Variants in ATRNL1 observed in about 807,000 individuals in gnomAD.
ATRNL1 encodes the protein attractin like 1.
Under a neutral mutation model 182.7 loss-of-function variants are expected in ATRNL1, and 95 were observed. That is an observed-to-expected ratio of 0.52 (90% CI 0.44 to 0.62). The LOEUF is 0.62. Among genes scored for constraint, ATRNL1 ranks in the 20% least tolerant of loss-of-function variants. The pLI is 0.00. For missense variants in ATRNL1, 1,471 were observed against 1,679.5 expected (o/e 0.88, Z 2.17); for synonymous variants, 576 against 568.3 (o/e 1.01, Z -0.19).
intron 16 of ATRNL1, among the ~76,000 whole-genome samples, chr10:115,300,905 A>C (rs1473911714): frequency 1.3e-5 from 2 of 151,470 alleles, no homozygotes; most frequent in Admixed American, 1.3e-4. Context: ...CCTCCACCCC[A>C]CCCCCTACAG....
At chr10:115,599,323 G>T (rs1590735) in intron 26 of ATRNL1, among the ~76,000 whole-genome samples, 74,984 of 151,876 alleles carry the variant, frequency 0.49, 19,418 homozygotes, top group African/African-American at 0.6. Flanking sequence ...TGTGTCACTT[G>T]TGCTTTCAAC....
intron 17 of ATRNL1, among the ~76,000 whole-genome samples, chr10:115,310,386 CT>C (rs782736510): frequency 6.6e-6 from 1 of 151,824 alleles, no homozygotes. Flanking sequence ...ATTTCTCAGT[CT>C]TTTGCAACAG....
intron 10 of ATRNL1, among the ~76,000 whole-genome samples, chr10:115,245,124 A>G (rs1341965384): frequency 6.6e-6 from 1 of 152,204 alleles, no homozygotes; most frequent in Non-Finnish European, 1.5e-5. Flanking sequence ...GGAAAGTAAT[A>G]TTTTAATGGT....
At chr10:115,926,482 T>C (rs868944974) in intron 28 of ATRNL1, among the ~76,000 whole-genome samples, 1 of 151,948 alleles carries the variant, frequency 6.6e-6, no homozygotes, top group Non-Finnish European at 1.5e-5. Flanking sequence ...TGCTGGTTTT[T>C]TGAAAAAATT....
chr10:115,535,525 G>A (rs1247863581), intron 25 of ATRNL1, among the ~76,000 whole-genome samples: 1 of 151,522 alleles, frequency 6.6e-6, no homozygotes, highest in Admixed American at 6.6e-5. Context: ...TTTTTTCAAA[G>A]TTTTCAACTT....
At chr10:115,807,694 A>G (rs1478078501) in intron 27 of ATRNL1, among the ~76,000 whole-genome samples, 1 of 152,192 alleles carries the variant, frequency 6.6e-6, no homozygotes, top group African/African-American at 2.4e-5. Context: ...ATGTATTGCC[A>G]CTGAAATAAA....
chr10:115,759,953 A>G (rs1948694024), intron 27 of ATRNL1, among the ~76,000 whole-genome samples: 1 of 150,416 alleles, frequency 6.6e-6, no homozygotes, highest in African/African-American at 2.4e-5. Flanking sequence ...CAGCCTCCCA[A>G]AGTGCTGCGA....
At chr10:115,512,138 C>A (rs1211267897) in intron 24 of ATRNL1, among the ~76,000 whole-genome samples, 3 of 151,846 alleles carry the variant, frequency 2.0e-5, no homozygotes, top group Non-Finnish European at 2.9e-5. Flanking sequence ...TTGCAAGAGT[C>A]ATGTTCTAGC....
intron 21 of ATRNL1, among the ~76,000 whole-genome samples, chr10:115,454,235 C>T (rs1554968246): frequency 3.3e-5 from 5 of 152,036 alleles, no homozygotes; most frequent in African/African-American, 1.2e-4. Flanking sequence ...TTTCTGGGTT[C>T]TTTACCCCGT....
At chr10:115,926,113 A>G (rs1396383286) in intron 28 of ATRNL1, among the ~76,000 whole-genome samples, 2 of 152,200 alleles carry the variant, frequency 1.3e-5, no homozygotes, top group African/African-American at 4.8e-5. Context: ...TCCACTCAAA[A>G]CTGCACAACT....
At chr10:115,442,101 A>T (rs2134449788) in intron 21 of ATRNL1, among the ~76,000 whole-genome samples, 1 of 152,124 alleles carries the variant, frequency 6.6e-6, no homozygotes, top group South Asian at 2.1e-4. Context: ...TTTAAAAATT[A>T]AAAATCAGAC....
intron 28 of ATRNL1, among the ~76,000 whole-genome samples, chr10:115,928,210 G>A (rs1953292032): frequency 6.6e-6 from 1 of 152,014 alleles, no homozygotes; most frequent in Non-Finnish European, 1.5e-5. Context: ...AGAAAACTGA[G>A]TTTGGTTTCT....
intron 8 of ATRNL1, among the ~76,000 whole-genome samples, chr10:115,191,623 TC>T (rs1564809154): frequency 6.6e-6 from 1 of 152,146 alleles, no homozygotes; most frequent in South Asian, 2.1e-4. Flanking sequence ...GGGAGCAGCT[TC>T]CCCCATGCTG....
At chr10:115,736,135 C>T (rs1390634424) in intron 27 of ATRNL1, among the ~76,000 whole-genome samples, 2 of 152,144 alleles carry the variant, frequency 1.3e-5, no homozygotes, top group Admixed American at 1.3e-4. Flanking sequence ...CTTTATTCCC[C>T]TTCTAAGACT....
chr10:115,749,248 CTTATT>C (rs1461319062), intron 27 of ATRNL1, among the ~76,000 whole-genome samples: 1 of 151,760 alleles, frequency 6.6e-6, no homozygotes, highest in African/African-American at 2.4e-5. Context: ...TTTTATTGTA[CTTATT>C]TTGTTTTATT....
intron 8 of ATRNL1, among the ~76,000 whole-genome samples, chr10:115,190,965 C>T (rs187210026): frequency 2.6e-5 from 4 of 152,122 alleles, no homozygotes; most frequent in Admixed American, 6.6e-5. Flanking sequence ...AGTGAGAATA[C>T]GTGATATTTG....
chr10:115,699,479 T>C (rs1946665907), intron 26 of ATRNL1, among the ~76,000 whole-genome samples: 1 of 151,766 alleles, frequency 6.6e-6, no homozygotes, highest in Non-Finnish European at 1.5e-5. Context: ...GAATAAAGAG[T>C]TCAACAACAA....
chr10:115,649,773 A>T (rs2420095), intron 26 of ATRNL1, among the ~76,000 whole-genome samples: 1 of 151,928 alleles, frequency 6.6e-6, no homozygotes, highest in East Asian at 1.9e-4. Context: ...TCAGGAATAA[A>T]CTGTTGCATT....
intron 5 of ATRNL1, among the ~76,000 whole-genome samples, chr10:115,147,411 G>T (rs1283764301): frequency 1.3e-5 from 2 of 152,018 alleles, no homozygotes; most frequent in Non-Finnish European, 2.9e-5. Flanking sequence ...CTCCCATCCT[G>T]CAGGTTGTCT....
Sources: gnomAD v4.1 joint callset for allele counts (sites outside exome capture counted in the v4.1 genomes callset) on GRCh38, gnomAD v4.1.1 for gene constraint, MANE v1.5 for transcripts, NCBI Gene and HGNC (gene_info 2026-07-23, HGNC 2026-07-21) for gene names.